SNTG2: variants seen among roughly 807,000 people sequenced by gnomAD.
SNTG2 encodes syntrophin gamma 2, also known as gamma-2-syntrophin.
A neutral mutation model predicts 70.9 loss-of-function variants in SNTG2; 74 were observed. That is an observed-to-expected ratio of 1.04 (90% CI 0.86 to 1.27). The LOEUF (loss-of-function observed/expected upper bound fraction) is 1.27. SNTG2 is among the 50% of genes most tolerant of loss of function. The pLI is 0.00. For synonymous variants in SNTG2, 278 were observed against 273.8 expected (o/e 1.02, Z -0.15); for missense variants, 717 against 690.7 (o/e 1.04, Z -0.43).
intron 1 of SNTG2, among the ~76,000 whole-genome samples, chr2:1,016,387 G>A (rs1004726587): frequency 6.6e-6 from 1 of 152,162 alleles, no homozygotes; most frequent in Non-Finnish European, 1.5e-5. Flanking sequence ...GATTACAGGC[G>A]CATGCCACGT....
intron 1 of SNTG2, among the ~76,000 whole-genome samples, chr2:1,030,158 A>C (rs1237191072): frequency 1.3e-5 from 2 of 152,050 alleles, no homozygotes; most frequent in Non-Finnish European, 1.5e-5. Context: ...CATTGCATGC[A>C]CTGGTTGTTG....
intron 14 of SNTG2, among the ~76,000 whole-genome samples, chr2:1,281,412 T>TGCG: frequency 6.4e-5 from 1 of 15,614 alleles, no homozygotes; most frequent in African/African-American, 2.5e-4. Flanking sequence ...TGGTGTGTTG[T>TGCG]GTGTGTGTGT....
At chr2:1,179,633 C>G (rs1211642325) in intron 8 of SNTG2, among the ~76,000 whole-genome samples, 1 of 151,754 alleles carries the variant, frequency 6.6e-6, no homozygotes, top group Non-Finnish European at 1.5e-5. Flanking sequence ...TGAAAATGAC[C>G]ATACTGCCCA....
At chr2:1,100,178 C>G (rs1039201370) in intron 4 of SNTG2, among the ~76,000 whole-genome samples, 1 of 151,914 alleles carries the variant, frequency 6.6e-6, no homozygotes, top group African/African-American at 2.4e-5. Flanking sequence ...TTTCTTCCCC[C>G]ACCCCACTGA....
intron 4 of SNTG2, among the ~76,000 whole-genome samples, chr2:1,114,477 A>G (rs530296306): frequency 4.0e-5 from 6 of 151,852 alleles, no homozygotes; most frequent in Non-Finnish European, 7.4e-5. Context: ...GTGAGGTTTA[A>G]CCCTTACAGT....
chr2:1,346,677 G>A (rs1222076825), intron 16 of SNTG2: 1 of 152,264 alleles, frequency 6.6e-6, no homozygotes, highest in Non-Finnish European at 1.5e-5. Context: ...AGTCTCCTGA[G>A]GTCCCAAGAA....
chr2:1,251,707 A>G (rs1232292294), intron 12 of SNTG2, among the ~76,000 whole-genome samples: 1 of 144,554 alleles, frequency 6.9e-6, no homozygotes, highest in African/African-American at 2.6e-5. Context: ...TGCACACCAC[A>G]CACACAACAC....
chr2:978,796 G>C (rs1435853010), intron 1 of SNTG2, among the ~76,000 whole-genome samples: 1 of 152,238 alleles, frequency 6.6e-6, no homozygotes, highest in African/African-American at 2.4e-5. Flanking sequence ...GAAGATGGCT[G>C]AGTCTTAGTC....
intron 1 of SNTG2, among the ~76,000 whole-genome samples, chr2:1,005,851 ATATATATATATATATATATATAT>A (rs1384826769): frequency 1.3e-4 from 3 of 22,722 alleles, no homozygotes; most frequent in Non-Finnish European, 2.8e-4. Flanking sequence ...ATATATATAT[ATATATATATATATATATATATAT>A]AAACGTTGAC....
chr2:1,266,831 G>A (rs1678767617), intron 13 of SNTG2, among the ~76,000 whole-genome samples: 1 of 131,616 alleles, frequency 7.6e-6, no homozygotes. Context: ...TTGGCTTTCT[G>A]TAACCTCGGG....
Position 1,267,570 on chromosome 2 carries a change from G to T in SNTG2, c.1283G>T (p.Gly428Val), listed in dbSNP as rs1252974680. The T allele has an allele frequency of 6.2e-6, 10 of 1,612,274 alleles. No individual in the cohort carries two copies. Among genetic ancestry groups the T allele is most frequent in the Non-Finnish European group, 8.5e-6 (10 of 1,179,850 alleles). The change falls in exon 14 of 17, where the codon GGG becomes GTG. Residue 428 changes from glycine (G) to valine (V), a missense_variant and splice_region_variant. Transcript: ENST00000308624. ...RATFMEVQRTGSRTYMCSWQG... is the reference protein window; with the variant it reads ...RATFMEVQRTVSRTYMCSWQG... The stretch of plus-strand genomic sequence containing the variant: ...ACGTTCATGGAAGTTCAGAGAACCG[G>T]GGTAAGTGAACAACTCACACTCTTC...
chr2:1,251,410 A>T (rs918525132), intron 12 of SNTG2, among the ~76,000 whole-genome samples: 11 of 151,824 alleles, frequency 7.2e-5, no homozygotes, highest in African/African-American at 2.7e-4. Context: ...GCTCACATAG[A>T]CCCACACACA....
chr2:1,283,252 C>T (rs1679631078), intron 14 of SNTG2, among the ~76,000 whole-genome samples: 1 of 152,150 alleles, frequency 6.6e-6, no homozygotes, highest in South Asian at 2.1e-4. Flanking sequence ...CCGAAGTCAC[C>T]TCTCACCAAT....
intron 14 of SNTG2, among the ~76,000 whole-genome samples, chr2:1,285,593 A>G (rs149889566): frequency 1.3e-5 from 2 of 152,222 alleles, no homozygotes; most frequent in East Asian, 1.9e-4. Flanking sequence ...AAGAAATAAA[A>G]TGAAGATATT....
chr2:1,063,730 T>C (rs886191665), intron 1 of SNTG2, among the ~76,000 whole-genome samples: 1 of 152,102 alleles, frequency 6.6e-6, no homozygotes, highest in Non-Finnish European at 1.5e-5. Context: ...GATAGATCAA[T>C]CACATAATTC....
intron 13 of SNTG2, among the ~76,000 whole-genome samples, chr2:1,264,771 G>T (rs1221852499): frequency 1.3e-5 from 2 of 152,118 alleles, no homozygotes; most frequent in African/African-American, 4.8e-5. Context: ...GTGTCATCCA[G>T]GCTGGTCTTA....
Position 1,138,439 on chromosome 2 carries a change from G to A in SNTG2, c.411+630G>A, listed in dbSNP as rs114250733. Among the ~76,000 whole-genome samples the A allele has an allele frequency of 5.4e-3, 828 of 152,294 alleles. 7 individuals are homozygous for A. Among genetic ancestry groups the A allele is most frequent in the African/African-American group, 0.019 (784 of 41,564 alleles). ...TCTGGCTGTTGGGAAGAGAGAAGCC[G>A]AGTGCAGCCTCACCATAGGGCTGAT... On this transcript the variant is annotated intron_variant, in intron 6 of 16. Coordinates refer to ENST00000308624, the MANE Select transcript of SNTG2 (RefSeq NM_018968.4).
Position 1,097,864 on chromosome 2 carries a change from C to T in SNTG2, c.211-332C>T, listed in dbSNP as rs1665497259. ...AGTGCTCCGCCCCACTTCCCTTTCA[C>T]CACCTGGGAGAAGGTGGACCCCTCG... On this transcript the variant is annotated intron_variant, in intron 2 of 16. Transcript: ENST00000308624. The surrounding 1 kb of genome is among the most constrained non-coding windows in gnomAD (Gnocchi z 4.1). Among the ~76,000 whole-genome samples the T allele has an allele frequency of 6.6e-6, 1 of 151,818 alleles. No homozygotes were observed. Among genetic ancestry groups the T allele is most frequent in the Non-Finnish European group, 1.5e-5 (1 of 67,982 alleles).
In SNTG2 at chr2:1,247,406, T is replaced by C. The variant is rs766976651; in HGVS notation, c.968T>C (p.Leu323Pro). Residue 323 changes from leucine (L) to proline (P), a missense_variant, in exon 12 of 17, where the codon CTG (leucine) becomes CCG (proline). Transcript: ENST00000308624. ...ACCTTCAGACCCAAGTTCCTAGCAC[T>C]GAAGGGCCCGTCCTTCTACGTTTTC... ...SQTFRPKFLA[L>P]KGPSFYVFST... 1.2e-6 allele frequency: 2 copies of C among 1,613,948 alleles called. No homozygotes were observed. Among genetic ancestry groups the C allele is most frequent in the Non-Finnish European group, 1.7e-6 (2 of 1,179,832 alleles).
Sources: gnomAD v4.1 joint callset for allele counts (sites outside exome capture counted in the v4.1 genomes callset) on GRCh38, gnomAD v4.1.1 for gene constraint, Gnocchi (gnomAD v3.1) non-coding constraint, MANE v1.5 for transcripts, NCBI Gene and HGNC (gene_info 2026-07-23, HGNC 2026-07-21) for gene names.